The following BFSP1 variants were observed in gnomAD, a reference collection of about 807,000 sequenced individuals.
BFSP1 encodes the protein beaded filament structural protein 1, also known as filensin.
In BFSP1, 38 loss-of-function variants were observed where a neutral mutation model predicts 43.9. That is an observed-to-expected ratio of 0.87 (90% confidence interval 0.67 to 1.14). BFSP1 has a LOEUF of 1.14. BFSP1 is among the 50% of genes most tolerant of loss of function. The pLI, the probability that BFSP1 is intolerant of heterozygous loss-of-function variation, is 0.00. For synonymous variants in BFSP1, 352 were observed against 354.8 expected (o/e 0.99, Z 0.09); for missense variants, 850 against 875.1 (o/e 0.97, Z 0.36).
chr20:17,549,098 A>T (rs1411253025), intron 1 of BFSP1, among the ~76,000 whole-genome samples: 5 of 152,208 alleles, frequency 3.3e-5, no homozygotes, highest in Non-Finnish European at 2.9e-5. Context: ...GGTGTGAGCC[A>T]CTATGCCAGC....
intron 7 of BFSP1, among the ~76,000 whole-genome samples, chr20:17,495,914 G>A (rs1381468909): frequency 6.6e-6 from 1 of 152,178 alleles, no homozygotes; most frequent in Non-Finnish European, 1.5e-5. Flanking sequence ...AGAGAGCCAG[G>A]TGAGCCGGCA....
At chr20:17,520,210 G>GCTCC (rs201615265) in intron 2 of BFSP1, among the ~76,000 whole-genome samples, 3 of 133,356 alleles carry the variant, frequency 2.2e-5, no homozygotes, top group Middle Eastern at 3.6e-3. Context: ...GTTTTAACGT[G>GCTCC]CCCCCCCACC....
chr20:17,505,430 G>T (rs1313575575), intron 5 of BFSP1, among the ~76,000 whole-genome samples: 1 of 152,230 alleles, frequency 6.6e-6, no homozygotes, highest in Non-Finnish European at 1.5e-5. Flanking sequence ...GACGACCCCT[G>T]CTGTGGAGAG....
Position 17,531,203 on chromosome 20 carries a change from C to G in BFSP1, c.127G>C (p.Ala43Pro), listed in dbSNP as rs917119794. 9.9e-6 allele frequency: 13 copies of G among 1,315,450 alleles called. No individual in the cohort carries two copies. Among genetic ancestry groups the G allele is most frequent in the Non-Finnish European group, 1.2e-5 (12 of 1,033,652 alleles). 81.5% of individuals were successfully genotyped at this position (1,315,450 alleles called of 1,614,324 possible). A position where few individuals can be genotyped will look rare whatever the true frequency, so the allele number is the denominator to read the frequency against. ...EGWAGATSLA[A>P]LQGLGERVAA... ...ACGCGCTCGCCGAGCCCCTGCAGCG[C>G]CGCCAGGCTCGTTGCCCCAGCCCAG... The change falls in exon 1 of 8, where the codon GCG (alanine) becomes CCG (proline). Residue 43 changes from alanine to proline, a missense_variant. By Grantham distance (27) the Ala-to-Pro change is conservative (BLOSUM62 -1). Transcript: ENST00000377873.
chr20:17,532,416 A>AG (rs1281842782), upstream of BFSP1, among the ~76,000 whole-genome samples: 3 of 151,560 alleles, frequency 2.0e-5, no homozygotes, highest in Non-Finnish European at 2.9e-5. Flanking sequence ...AAAAAAAAAA[A>AG]AAAAAGAAAA....
intron 1 of BFSP1, among the ~76,000 whole-genome samples, chr20:17,529,396 A>T (rs1373460728): frequency 6.6e-6 from 1 of 150,498 alleles, no homozygotes; most frequent in African/African-American, 2.5e-5. Context: ...TAATTTTTTT[A>T]AAGATATAAA....
chr20:17,529,229 C>A (rs2034483774), intron 1 of BFSP1, among the ~76,000 whole-genome samples: 1 of 152,148 alleles, frequency 6.6e-6, no homozygotes, highest in Non-Finnish European at 1.5e-5. Flanking sequence ...TGTGCCACTA[C>A]ACCCAGCTAA....
At chr20:17,548,180 CAAA>C (rs11470598) in intron 1 of BFSP1, among the ~76,000 whole-genome samples, 2 of 119,854 alleles carry the variant, frequency 1.7e-5, no homozygotes, top group African/African-American at 6.3e-5. Flanking sequence ...GAAAATAATG[CAAA>C]AAAAAAAAAA....
At chr20:17,542,617 C>A (rs2034737237) in intron 1 of BFSP1, among the ~76,000 whole-genome samples, 1 of 151,882 alleles carries the variant, frequency 6.6e-6, no homozygotes, top group Non-Finnish European at 1.5e-5. Context: ...AAAAAAAAGT[C>A]AGTTGTTAAA....
chr20:17,546,056 G>A (rs1458519776), intron 1 of BFSP1, among the ~76,000 whole-genome samples: 1 of 152,134 alleles, frequency 6.6e-6, no homozygotes, highest in Non-Finnish European at 1.5e-5. Flanking sequence ...TCCTCCTGGG[G>A]TCTGGATCAA....
intron 7 of BFSP1, among the ~76,000 whole-genome samples, chr20:17,495,750 C>T (rs931187285): frequency 6.6e-6 from 1 of 152,190 alleles, no homozygotes; most frequent in Non-Finnish European, 1.5e-5. Flanking sequence ...AAAATTCTCA[C>T]CTGGTATAAT....
chr20:17,542,828 A>C (rs939326995), intron 1 of BFSP1, among the ~76,000 whole-genome samples: 1 of 152,214 alleles, frequency 6.6e-6, no homozygotes, highest in African/African-American at 2.4e-5. Context: ...GTTTGTTTTC[A>C]TTTCTAGTTG....
intron 5 of BFSP1, among the ~76,000 whole-genome samples, chr20:17,502,176 G>GAAA (rs35758521): frequency 6.9e-6 from 1 of 145,094 alleles, no homozygotes. Flanking sequence ...TGCTCCTTTG[G>GAAA]AAAAAAAAAA....
At chr20:17,555,676 A>T (rs189713130) in intron 1 of BFSP1, among the ~76,000 whole-genome samples, 143 of 152,258 alleles carry the variant, frequency 9.4e-4, no homozygotes, top group Non-Finnish European at 1.4e-3. Context: ...AAATAAACAA[A>T]CAAAACAATA....
At chr20:17,522,400 C>G (rs2034336908) in intron 2 of BFSP1, among the ~76,000 whole-genome samples, 1 of 152,162 alleles carries the variant, frequency 6.6e-6, no homozygotes, top group South Asian at 2.1e-4. Context: ...TGCACAAGGC[C>G]CTCCCCAGCG....
intron 6 of BFSP1, among the ~76,000 whole-genome samples, chr20:17,497,581 C>CGT (rs370650006): frequency 8.4e-4 from 13 of 15,556 alleles, no homozygotes; most frequent in East Asian, 4.0e-3. Flanking sequence ...TGTATATATA[C>CGT]GTATATATAT....
At chr20:17,509,543 G>A (rs79633882) in intron 4 of BFSP1, among the ~76,000 whole-genome samples, 3,102 of 152,310 alleles carry the variant, frequency 0.02, 53 homozygotes, top group East Asian at 0.074. Context: ...AGTACCAGGA[G>A]ACCAGAGCTT....
At chr20:17,552,463 T>C (rs1600683259) in intron 1 of BFSP1, among the ~76,000 whole-genome samples, 1 of 152,172 alleles carries the variant, frequency 6.6e-6, no homozygotes, top group South Asian at 2.1e-4. Context: ...GGCTTCACTG[T>C]GAGAGTAAAG....
Position 17,508,956 on chromosome 20 carries a change from C to T in BFSP1, c.668G>A (p.Ser223Asn). ...CACCTCCCGGCCCTCCTCCAGCTGACTCCGCAGGGCGGCCACCTCCCGCTC... is the reference window on the plus strand; with the variant it reads ...CACCTCCCGGCCCTCCTCCAGCTGATTCCGCAGGGCGGCCACCTCCCGCTC... ...LTEREVAALR[S>N]QLEEGREVLS... Residue 223 changes from serine to asparagine, a missense_variant, in exon 5 of 8, where the codon AGT becomes AAT. Transcript: ENST00000377873. 6.2e-7 allele frequency: 1 copy of T among 1,603,580 alleles called. No individual in the cohort carries two copies. Among genetic ancestry groups the T allele is most frequent in the Non-Finnish European group, 8.5e-7 (1 of 1,175,898 alleles).
Sources: gnomAD v4.1 joint callset for allele counts (sites outside exome capture counted in the v4.1 genomes callset) on GRCh38, gnomAD v4.1.1 for gene constraint, MANE v1.5 for transcripts, NCBI Gene and HGNC (gene_info 2026-07-23, HGNC 2026-07-21) for gene names.